The following ASB7 variants were observed in gnomAD, a reference collection of about 807,000 sequenced individuals.
ASB7 encodes the protein ankyrin repeat and SOCS box protein 7.
ASB7 carries 4 observed loss-of-function variants against 32.5 expected under a neutral mutation model. The ratio of observed to expected loss-of-function variants is 0.12; its 90% CI spans 0.06 to 0.28. ASB7 has a LOEUF of 0.28. Among genes scored for constraint, ASB7 ranks in the 10% least tolerant of loss-of-function variants. The pLI, the probability that ASB7 is intolerant of heterozygous loss-of-function variation, is 1.00. For missense variants in ASB7, 181 were observed against 407.1 expected (o/e 0.44, Z 4.78); for synonymous variants, 172 against 155.6 (o/e 1.11, Z -0.78).
At chr15:100,646,257 C>G (rs748351523) in intron 5 of ASB7, 4 of 396,708 alleles carry the variant, frequency 1.0e-5, no homozygotes, top group African/African-American at 8.3e-5. Flanking sequence ...CCACAATTGT[C>G]AATGTTGACT....
intron 4 of ASB7, among the ~76,000 whole-genome samples, chr15:100,621,295 C>G (rs1283543543): frequency 1.3e-5 from 2 of 152,236 alleles, no homozygotes; most frequent in African/African-American, 2.4e-5. Flanking sequence ...ACTTTCTATA[C>G]AAAAGTTTCA....
chr15:100,629,674 G>A lies in ASB7; in HGVS notation c.449G>A (p.Gly150Asp). The A allele has an allele frequency of 6.2e-7, 1 of 1,614,190 alleles. No homozygotes were observed. Among genetic ancestry groups the A allele is most frequent in the Non-Finnish European group, 8.5e-7 (1 of 1,180,038 alleles). ...GAGGTTGACCCACTCAGTGATAAAG[G>A]TACCACACCGCTTCAGCTCGCCATT... ...KAEVDPLSDK[G>D]TTPLQLAIIR... The change falls in exon 5 of 6, where the codon GGT becomes GAT. Residue 150 changes from glycine to aspartate, a missense_variant. Coordinates refer to ENST00000332783, the MANE Select transcript of ASB7 (RefSeq NM_198243.3). The surrounding 1 kb of genome is among the most constrained non-coding windows in gnomAD (Gnocchi z 6.8).
intron 5 of ASB7, among the ~76,000 whole-genome samples, chr15:100,638,965 G>T (rs1320996513): frequency 6.6e-6 from 1 of 152,138 alleles, no homozygotes; most frequent in East Asian, 1.9e-4. Context: ...GCGGGCTCTG[G>T]TCTAGGTGAT....
At chr15:100,603,166 C>G (rs3764202) in intron 1 of ASB7, 49 bp from the exon 2 acceptor site, 3 of 393,400 alleles carry the variant, frequency 7.6e-6, no homozygotes, top group Middle Eastern at 6.3e-4. Context: ...GAGCTCCCCC[C>G]TCCCCACCTC....
rs1031734199 is a variant in ASB7 at position 100,651,459 on chromosome 15, A to ACAC, written c.*2999_*3001dup. 7.9e-5 allele frequency: 12 copies of ACAC among 152,182 alleles called. No individual in the cohort carries two copies. Among genetic ancestry groups the ACAC allele is most frequent in the Admixed American group, 6.5e-4 (10 of 15,284 alleles). The allele number at this position is 152,182 out of a possible 1,614,324, so 9.4% of individuals were successfully genotyped here. ...GACTCTAGCATGACTCGTCAGATGC[A>ACAC]CACCCCAAGAGACAAGAATGTGTAG... On this transcript the variant is annotated 3_prime_UTR_variant, in exon 6 of 6. Transcript: ENST00000332783.
chr15:100,605,883 T>A (rs932742257), intron 2 of ASB7, among the ~76,000 whole-genome samples: 2 of 152,256 alleles, frequency 1.3e-5, no homozygotes, highest in Non-Finnish European at 2.9e-5. Context: ...TATTGGTTTC[T>A]CTGCTGGAAT....
chr15:100,637,167 G>C (rs1409819768), intron 5 of ASB7, among the ~76,000 whole-genome samples: 3 of 152,214 alleles, frequency 2.0e-5, no homozygotes, highest in Non-Finnish European at 4.4e-5. Flanking sequence ...TGATGATTGA[G>C]GAAAAGCAAC....
At chr15:100,604,871 A>G (rs2039628540) in intron 2 of ASB7, among the ~76,000 whole-genome samples, 1 of 152,242 alleles carries the variant, frequency 6.6e-6, no homozygotes, top group Non-Finnish European at 1.5e-5. Flanking sequence ...GAACTTTTAA[A>G]AAATGCTAAA....
At chr15:100,612,098 AT>A in intron 3 of ASB7, 67 bp from the exon 4 acceptor site, 1 of 825,230 alleles carries the variant, frequency 1.2e-6, no homozygotes. Flanking sequence ...GTTCTGTGAT[AT>A]TTAATAGATG....
intron 5 of ASB7, among the ~76,000 whole-genome samples, chr15:100,630,420 T>C (rs1488218041): frequency 6.6e-6 from 1 of 152,230 alleles, no homozygotes; most frequent in Non-Finnish European, 1.5e-5. Flanking sequence ...GGGGGAATTT[T>C]GGATCTTAGA....
chr15:100,643,479 T>TC lies in ASB7; in HGVS notation c.818-4844_818-4843insC, dbSNP rs1294687928. ...ACCTTTTGTCTCAGTCCCTTCTTCTTTTTTTTTTTTTTTTTTTTTTTTTTG... is the reference window on the plus strand; with the variant it reads ...ACCTTTTGTCTCAGTCCCTTCTTCTTCTTTTTTTTTTTTTTTTTTTTTTTTG... On this transcript the variant is annotated intron_variant, in intron 5 of 5. Coordinates refer to ENST00000332783, the MANE Select transcript of ASB7 (RefSeq NM_198243.3). Among the ~76,000 whole-genome samples, 751 of 118,562 alleles carry TC rather than the reference T, an allele frequency of 6.3e-3. 15 individuals are homozygous for TC. Among genetic ancestry groups the TC allele is most frequent in the Non-Finnish European group, 9.1e-3 (503 of 55,572 alleles). The allele number at this position is 118,562 out of a possible 152,430, so 77.8% of individuals were successfully genotyped here.
chr15:100,646,514 G>A (rs1446629064), intron 5 of ASB7: 2 of 447,102 alleles, frequency 4.5e-6, no homozygotes, highest in African/African-American at 2.0e-5. Context: ...ACATATTTGT[G>A]GAACTCATTT....
chr15:100,617,900 A>G (rs934132146), intron 4 of ASB7, among the ~76,000 whole-genome samples: 1 of 152,150 alleles, frequency 6.6e-6, no homozygotes, highest in Non-Finnish European at 1.5e-5. Context: ...TCTTTTATCA[A>G]AAAATACTGG....
In ASB7 at chr15:100,629,582, T is replaced by A; in HGVS notation, c.357T>A (p.Thr119=). 1 of 1,614,216 alleles carries A rather than the reference T, an allele frequency of 6.2e-7. No individual in the cohort carries two copies. The highest frequency in any genetic ancestry group is 1.1e-5 in the South Asian group (1 of 91,084). ...ATGCAAAAAGCAATGACGGCTGGAC[T>A]CCCCTCCATGTGGCTGCCCACTACG... The part of the protein sequence containing the change: ...IINAKSNDGW[T]PLHVAAHYGR... Residue 119 remains threonine (T), a synonymous_variant, in exon 5 of 6, where the codon ACT becomes ACA. Transcript: ENST00000332783. The surrounding 1 kb of genome is among the most constrained non-coding windows in gnomAD (Gnocchi z 6.8).
In ASB7 at chr15:100,626,817, G is replaced by A. The variant is rs574462614; in HGVS notation, c.212-2620G>A. The stretch of plus-strand genomic sequence containing the variant: ...TGTCGATACAACATGGAAGTATGGC[G>A]GAAACATCATGCAAAGTGAAGTAAG... On this transcript the variant is annotated intron_variant, in intron 4 of 5. Coordinates refer to ENST00000332783, the MANE Select transcript of ASB7 (RefSeq NM_198243.3). Among the ~76,000 whole-genome samples the A allele has an allele frequency of 3.9e-5, 6 of 152,148 alleles. No individual in the cohort carries two copies. The East Asian group carries it at 5.8e-4, about 15-fold the overall frequency.
At chr15:100,623,917 A>G (rs1012514033) in intron 4 of ASB7, among the ~76,000 whole-genome samples, 8 of 152,264 alleles carry the variant, frequency 5.3e-5, no homozygotes, top group Admixed American at 5.2e-4. Flanking sequence ...ACTATTCACA[A>G]TAGCAAAGAT....
In ASB7 at chr15:100,650,618, G is replaced by A. The variant is rs1178500224; in HGVS notation, c.*2156G>A. On this transcript the variant is annotated 3_prime_UTR_variant, in exon 6 of 6. Coordinates refer to ENST00000332783, the MANE Select transcript of ASB7 (RefSeq NM_198243.3). The stretch of plus-strand genomic sequence containing the variant: ...TTCCAAACTAAGCCACTGAGTTTGA[G>A]TCAGGGAATTCCACGTAAAAAGATC... 2.0e-5 allele frequency: 3 copies of A among 152,132 alleles called. No homozygotes were observed. The highest frequency in any genetic ancestry group is 4.4e-5 in the Non-Finnish European group (3 of 68,028). The allele number at this position is 152,132 out of a possible 1,614,324, so 9.4% of individuals were successfully genotyped here.
rs1334983663 is a variant in ASB7 at position 100,639,055 on chromosome 15, A to T, written c.817+9013A>T. 4.6e-5 allele frequency among the ~76,000 whole-genome samples: 7 copies of T among 152,172 alleles called. No individual in the cohort carries two copies. The South Asian group carries it at 1.5e-3, about 32-fold the overall frequency. On this transcript the variant is annotated intron_variant, in intron 5 of 5. Coordinates refer to ENST00000332783, the MANE Select transcript of ASB7 (RefSeq NM_198243.3). ...TGAGGCAGTGATCTGTTTGTAGTAG[A>T]CAGTGTTCAAAGACTGGAAGCAACC...
chr15:100,645,796 A>G (rs2039993594), intron 5 of ASB7: 6 of 1,541,760 alleles, frequency 3.9e-6, no homozygotes, highest in South Asian at 2.2e-5. Flanking sequence ...TATTTCCTGT[A>G]AAGTTGACTT....
Sources: gnomAD v4.1 joint callset for allele counts (sites outside exome capture counted in the v4.1 genomes callset) on GRCh38, gnomAD v4.1.1 for gene constraint, Gnocchi (gnomAD v3.1) non-coding constraint, MANE v1.5 for transcripts, NCBI Gene and HGNC (gene_info 2026-07-23, HGNC 2026-07-21) for gene names.